The following SCRN1 variants were observed in gnomAD, a reference collection of about 807,000 sequenced individuals.
The protein encoded by SCRN1 is secernin 1.
SCRN1 carries 19 observed loss-of-function variants against 43.3 expected under a neutral mutation model. The observed-to-expected ratio is 0.44, with a 90% CI of 0.31 to 0.64. The LOEUF (loss-of-function observed/expected upper bound fraction) is 0.64. Among genes scored for constraint, SCRN1 ranks in the 30% least tolerant of loss-of-function variants. SCRN1 has a pLI of 0.09. For synonymous variants in SCRN1, 183 were observed against 188.9 expected, an observed-to-expected ratio of 0.97 and a Z score of 0.26; for missense variants, 447 against 524.1, an observed-to-expected ratio of 0.85 and a Z score of 1.44.
chr7:29,934,384 G>A (rs913093987), intron 6 of SCRN1, among the ~76,000 whole-genome samples: 2 of 152,180 alleles, frequency 1.3e-5, no homozygotes, highest in Non-Finnish European at 2.9e-5. Context: ...GTTAGAGCTG[G>A]TATCTGAGAC....
intron 6 of SCRN1, 85 bp downstream of exon 6, chr7:29,936,471 G>A (rs1787330499): frequency 1.6e-6 from 2 of 1,250,040 alleles, no homozygotes; most frequent in Non-Finnish European, 2.2e-6. Context: ...GGGAGGACAT[G>A]GTCAGGCGCT....
chr7:29,926,735 G>T, intron 6 of SCRN1, 103 bp from the exon 7 acceptor site: 2 of 891,624 alleles, frequency 2.2e-6, no homozygotes, highest in Non-Finnish European at 3.3e-6. Context: ...CCAACTTATG[G>T]TGGGTGGTGG....
chr7:29,955,319 G>C lies in SCRN1; in HGVS notation c.201C>G (p.Ala67=). The C allele has an allele frequency of 6.2e-7, 1 of 1,614,110 alleles. No homozygotes were observed. The highest frequency in any genetic ancestry group is 1.3e-5 in the African/African-American group (1 of 75,032). ...GCCAGGCGGGTCTGCTTATCATTAT[G>C]GCATAGGTCCTTGGAACTTGGTCGA... The part of the protein sequence containing the change: ...ISIDQVPRTY[A]IMISRPAWLW... The change falls in exon 3 of 8, where the codon GCC becomes GCG. Residue 67 remains alanine, a synonymous_variant. Coordinates refer to ENST00000242059, the MANE Select transcript of SCRN1 (RefSeq NM_014766.5).
At chr7:29,978,607 C>G (rs184135007) in intron 1 of SCRN1, among the ~76,000 whole-genome samples, 18 of 152,250 alleles carry the variant, frequency 1.2e-4, no homozygotes, top group African/African-American at 4.3e-4. Flanking sequence ...TCCTCATATA[C>G]AAATGGAATT....
At position 29,923,899 on chromosome 7, in the gene SCRN1, G is replaced by T; in HGVS notation, c.*58C>A. Reference sequence around the variant, plus strand: ...CTCAAACAGGAGAGTGGTTTGTTTTGCTGGTAATTTAGTAAGGTGGGAAGT... The same window carrying T: ...CTCAAACAGGAGAGTGGTTTGTTTTTCTGGTAATTTAGTAAGGTGGGAAGT... On this transcript the variant is annotated 3_prime_UTR_variant, in exon 8 of 8. Transcript: ENST00000242059. 6.6e-7 allele frequency: 1 copy of T among 1,522,466 alleles called. No individual in the cohort carries two copies. The allele number at this position is 1,522,466 out of a possible 1,614,324, so 94.3% of individuals were successfully genotyped here.
Position 29,963,814 on chromosome 7 carries a change from GAA to G in SCRN1, c.159+5093_159+5094del, listed in dbSNP as rs576369863. Among the ~76,000 whole-genome samples, 1,097 of 152,064 alleles carry G rather than the reference GAA, an allele frequency of 7.2e-3. 16 individuals are homozygous for G. Among genetic ancestry groups the G allele is most frequent in the African/African-American group, 0.026 (1,059 of 41,522 alleles). ...ACAATGGATTACTATGTAGCTGTAAGAAAAAAATAAGGACAATCTCTATAGAA... is the reference window on the plus strand; with the variant it reads ...ACAATGGATTACTATGTAGCTGTAAGAAAAATAAGGACAATCTCTATAGAA... On this transcript the variant is annotated intron_variant, in intron 2 of 7. Coordinates refer to ENST00000242059, the MANE Select transcript of SCRN1 (RefSeq NM_014766.5).
At chr7:29,944,217 C>A in intron 3 of SCRN1, 38 bp from the exon 4 acceptor site, 1 of 1,590,528 alleles carries the variant, frequency 6.3e-7, no homozygotes, top group South Asian at 1.1e-5. Flanking sequence ...TCAGTCATTT[C>A]ATACCACAGG....
intron 1 of SCRN1, among the ~76,000 whole-genome samples, chr7:29,987,028 G>A (rs573675142): frequency 6.6e-6 from 1 of 151,444 alleles, no homozygotes; most frequent in African/African-American, 2.4e-5. Context: ...CCGGCTGCAA[G>A]TTAGTTTTCT....
chr7:29,961,474 TAC>T (rs1788308106), intron 2 of SCRN1, among the ~76,000 whole-genome samples: 1 of 144,092 alleles, frequency 6.9e-6, no homozygotes, highest in Non-Finnish European at 1.5e-5. Flanking sequence ...TACTTCTTTC[TAC>T]ACAGACACGG....
chr7:29,926,454 G>C lies in SCRN1; in HGVS notation c.1084C>G (p.Gln362Glu). 1 of 1,611,584 alleles carries C rather than the reference G, an allele frequency of 6.2e-7. No homozygotes were observed. ...CTGTGGCCCTCATGCAAGCTCACCT[G>C]GTCACTTTCGATGATGGCACGTGCC... Reference protein sequence around the residue: ...EWARAIIESDQEQGRKLRSTM... With the variant: ...EWARAIIESDEEQGRKLRSTM... The change falls in exon 7 of 8, where the codon CAG becomes GAG. Residue 362 changes from glutamine (Q) to glutamate (E), a missense_variant and splice_region_variant. By Grantham distance (29) the Gln-to-Glu change is conservative. Coordinates refer to ENST00000242059, the MANE Select transcript of SCRN1 (RefSeq NM_014766.5).
intron 1 of SCRN1, among the ~76,000 whole-genome samples, chr7:29,974,098 T>C (rs1267377027): frequency 6.6e-6 from 1 of 152,152 alleles, no homozygotes; most frequent in African/African-American, 2.4e-5. Context: ...AGCAATGAAA[T>C]ATTCTTTGTT....
chr7:29,980,277 C>T (rs1788957015), intron 1 of SCRN1, among the ~76,000 whole-genome samples: 1 of 152,170 alleles, frequency 6.6e-6, no homozygotes, highest in African/African-American at 2.4e-5. Flanking sequence ...CTGTGGTGAG[C>T]TGCCAAAAGC....
In SCRN1 at chr7:29,946,378, A is replaced by G. The variant is rs568197075; in HGVS notation, c.342-2199T>C. Among the ~76,000 whole-genome samples, 8 of 152,326 alleles carry G rather than the reference A, an allele frequency of 5.3e-5. No homozygotes were observed. In the South Asian group the frequency reaches 1.7e-3, roughly 32 times the overall value. On this transcript the variant is annotated intron_variant, in intron 3 of 7. Coordinates refer to ENST00000242059, the MANE Select transcript of SCRN1 (RefSeq NM_014766.5). ...CGAAGGCCTCCTTCCTCCCTTCCAC[A>G]GGTCCCTGGTAGCCCCCTGGTCACA... is the stretch of plus-strand genomic sequence containing the variant.
At position 29,955,322 on chromosome 7, in the gene SCRN1, A is replaced by T; in HGVS notation, c.198T>A (p.Tyr66Ter). The T allele has an allele frequency of 6.2e-7, 1 of 1,614,114 alleles. No individual in the cohort carries two copies. Among genetic ancestry groups the T allele is most frequent in the Non-Finnish European group, 8.5e-7 (1 of 1,180,006 alleles). The change falls in exon 3 of 8, where the codon TAT becomes TAA. Residue 66 changes from tyrosine (Y) to a stop codon, truncating the protein, a stop_gained. Transcript: ENST00000242059. LOFTEE classifies it high-confidence loss of function. Reference protein sequence around the residue: ...YISIDQVPRTYAIMISRPAWL... With the variant: ...YISIDQVPRT ...AGGCGGGTCTGCTTATCATTATGGC[A>T]TAGGTCCTTGGAACTTGGTCGATTG...
At chr7:29,940,951 G>C in intron 4 of SCRN1, 75 bp from the exon 5 acceptor site, 1 of 1,254,696 alleles carries the variant, frequency 8.0e-7, no homozygotes, top group Non-Finnish European at 1.1e-6. Flanking sequence ...AATGTATAGG[G>C]AATCCTTTTC....
intron 7 of SCRN1, 61 bp from the exon 8 acceptor site, chr7:29,924,176 A>C (rs1786865923): frequency 5.8e-5 from 89 of 1,538,674 alleles, no homozygotes; most frequent in Non-Finnish European, 7.4e-5. Context: ...TGCAGCGGAC[A>C]CTGAAACCCT....
At chr7:29,936,335 A>G (rs555275105) in intron 6 of SCRN1, among the ~76,000 whole-genome samples, 1 of 152,358 alleles carries the variant, frequency 6.6e-6, no homozygotes, top group Non-Finnish European at 1.5e-5. Context: ...ATTTAAAAGA[A>G]CTACTAGATT....
In SCRN1 at chr7:29,921,776, G is replaced by A. The variant is rs1481515026; in HGVS notation, c.*2181C>T. 5 of 152,246 alleles carry A rather than the reference G, an allele frequency of 3.3e-5. No individual in the cohort carries two copies. Among genetic ancestry groups the A allele is most frequent in the Non-Finnish European group, 7.3e-5 (5 of 68,046 alleles). 9.4% of individuals were successfully genotyped at this position (152,246 alleles called of 1,614,324 possible). A position where few individuals can be genotyped will look rare whatever the true frequency, so the allele number is the denominator to read the frequency against. On this transcript the variant is annotated 3_prime_UTR_variant, in exon 8 of 8. Transcript: ENST00000242059. ...ATGGGTAATGACATAAAGCGGGTAG[G>A]GTTATCCATGGCCTTTGTTTGGCCC... is the stretch of plus-strand genomic sequence containing the variant.
intron 1 of SCRN1, among the ~76,000 whole-genome samples, chr7:29,979,433 T>G (rs1469984991): frequency 6.6e-6 from 1 of 152,182 alleles, no homozygotes; most frequent in East Asian, 1.9e-4. Context: ...GGGGAAAATA[T>G]GTAATGAATA....
Sources: gnomAD v4.1 joint callset for allele counts (sites outside exome capture counted in the v4.1 genomes callset) on GRCh38, gnomAD v4.1.1 for gene constraint, MANE v1.5 for transcripts, NCBI Gene and HGNC (gene_info 2026-07-23, HGNC 2026-07-21) for gene names.